SPAG16: variants seen among roughly 807,000 people sequenced by gnomAD.
SPAG16 encodes sperm associated antigen 16, also known as sperm-associated antigen 16 protein.
Under a neutral mutation model 80.4 loss-of-function variants are expected in SPAG16, and 86 were observed. The observed-to-expected ratio is 1.07, with a 90% CI of 0.90 to 1.28. The LOEUF (loss-of-function observed/expected upper bound fraction) is 1.28, where lower values mean the gene tolerates loss of function less well. SPAG16 is among the 50% of genes most tolerant of loss of function. SPAG16 has a pLI of 0.00. For synonymous variants in SPAG16, 294 were observed against 265.9 expected, an observed-to-expected ratio of 1.11 and a Z score of -1.03; for missense variants, 870 against 765.3, an observed-to-expected ratio of 1.14 and a Z score of -1.61.
chr2:214,147,605 G>A (rs1474298606), intron 14 of SPAG16, among the ~76,000 whole-genome samples: 5 of 152,070 alleles, frequency 3.3e-5, no homozygotes, highest in African/African-American at 7.2e-5. Context: ...ATTCCTTGCC[G>A]ATACTGAGAA....
At chr2:214,398,195 A>G (rs1701506003) in intron 15 of SPAG16, among the ~76,000 whole-genome samples, 1 of 152,224 alleles carries the variant, frequency 6.6e-6, no homozygotes, top group Non-Finnish European at 1.5e-5. Flanking sequence ...GAAAGAAGGC[A>G]TCCTAATAAC....
intron 14 of SPAG16, among the ~76,000 whole-genome samples, chr2:214,119,730 C>T (rs2054118164): frequency 6.6e-6 from 1 of 152,082 alleles, no homozygotes; most frequent in African/African-American, 2.4e-5. Context: ...TTTCTTTTCT[C>T]TCCTTCCTGC....
chr2:214,167,830 A>G (rs1171913793), intron 15 of SPAG16, among the ~76,000 whole-genome samples: 1 of 150,470 alleles, frequency 6.6e-6, no homozygotes, highest in African/African-American at 2.4e-5. Context: ...CATTTTAGTT[A>G]TGTACAGGGA....
At chr2:213,827,545 G>A (rs1251370506) in intron 10 of SPAG16, among the ~76,000 whole-genome samples, 1 of 151,786 alleles carries the variant, frequency 6.6e-6, no homozygotes, top group African/African-American at 2.4e-5. Flanking sequence ...CTTAACATAT[G>A]AGTAATCTAC....
chr2:213,286,872 C>T (rs2062074230), intron 1 of SPAG16, among the ~76,000 whole-genome samples: 1 of 150,758 alleles, frequency 6.6e-6, no homozygotes, highest in Non-Finnish European at 1.5e-5. Context: ...AAACCAGAAA[C>T]AGCCAGGATC....
chr2:213,766,752 G>T (rs1188285121), intron 10 of SPAG16, among the ~76,000 whole-genome samples: 1 of 152,202 alleles, frequency 6.6e-6, no homozygotes, highest in East Asian at 1.9e-4. Flanking sequence ...GTGTCTTCGA[G>T]ATGTGCCACA....
At chr2:214,186,309 G>A (rs1407224185) in intron 15 of SPAG16, among the ~76,000 whole-genome samples, 2 of 152,044 alleles carry the variant, frequency 1.3e-5, no homozygotes, top group East Asian at 1.9e-4. Context: ...TAAAATGCAT[G>A]GTCCAGGTAT....
intron 15 of SPAG16, among the ~76,000 whole-genome samples, chr2:214,159,798 T>A (rs2056364638): frequency 6.6e-6 from 1 of 151,974 alleles, no homozygotes; most frequent in Non-Finnish European, 1.5e-5. Flanking sequence ...ATTGTTATTA[T>A]GAAAATCAAT....
intron 11 of SPAG16, among the ~76,000 whole-genome samples, chr2:213,867,774 A>T (rs995166255): frequency 1.6e-4 from 24 of 151,546 alleles, no homozygotes; most frequent in Non-Finnish European, 3.4e-4. Context: ...TACAAAAAAA[A>T]ATAGCCGGGC....
At chr2:214,102,662 G>A (rs1157959511) in intron 13 of SPAG16, among the ~76,000 whole-genome samples, 1 of 152,112 alleles carries the variant, frequency 6.6e-6, no homozygotes, top group Non-Finnish European at 1.5e-5. Context: ...GTTAGCAGTG[G>A]AAGAGATCAG....
intron 15 of SPAG16, among the ~76,000 whole-genome samples, chr2:214,275,683 T>C (rs1692412250): frequency 6.6e-6 from 1 of 152,242 alleles, no homozygotes; most frequent in Non-Finnish European, 1.5e-5. Context: ...TCTGTTCTTT[T>C]ACATTTGGTG....
At chr2:214,291,912 G>A (rs1693833554) in intron 15 of SPAG16, among the ~76,000 whole-genome samples, 1 of 152,170 alleles carries the variant, frequency 6.6e-6, no homozygotes, top group African/African-American at 2.4e-5. Context: ...TCCAGATTTA[G>A]GAGTCCCTTA....
chr2:213,475,591 T>C (rs1211857031), intron 9 of SPAG16, among the ~76,000 whole-genome samples: 1 of 152,138 alleles, frequency 6.6e-6, no homozygotes, highest in Non-Finnish European at 1.5e-5. Flanking sequence ...TCTTGCTGCT[T>C]ATGCCATGGT....
At chr2:213,984,680 AG>A (rs2045921732) in intron 12 of SPAG16, among the ~76,000 whole-genome samples, 1 of 152,092 alleles carries the variant, frequency 6.6e-6, no homozygotes, top group Admixed American at 6.6e-5. Flanking sequence ...AATGAAGCAA[AG>A]GGTGCAGCAG....
rs184925850 is a variant in SPAG16 at position 214,126,361 on chromosome 2, C to G, written c.1593+18100C>G. ...AGGAAGGTGGAGAAGGTCAGAGGCC[C>G]TTCCAATTTCCTTCATTTCAAAGTA... is the stretch of plus-strand genomic sequence containing the variant. On this transcript the variant is annotated intron_variant, in intron 14 of 15. Coordinates refer to ENST00000331683, the MANE Select transcript of SPAG16 (RefSeq NM_024532.5). 1.1e-3 allele frequency among the ~76,000 whole-genome samples: 172 copies of G among 151,464 alleles called. 1 individual carries two copies. Among genetic ancestry groups the G allele is most frequent in the African/African-American group, 4.1e-3 (168 of 41,460 alleles).
intron 10 of SPAG16, among the ~76,000 whole-genome samples, chr2:213,824,656 T>A (rs181430897): frequency 5.7e-4 from 87 of 152,310 alleles, no homozygotes; most frequent in African/African-American, 2.0e-3. Flanking sequence ...TGTAGTATAG[T>A]TTGAAGTCAG....
intron 13 of SPAG16, among the ~76,000 whole-genome samples, chr2:214,075,655 A>G (rs769694225): frequency 6.6e-6 from 1 of 152,192 alleles, no homozygotes; most frequent in Non-Finnish European, 1.5e-5. Flanking sequence ...AATGAACCAT[A>G]CGTCCTTAAC....
chr2:213,812,532 G>A (rs2072233393), intron 10 of SPAG16, among the ~76,000 whole-genome samples: 2 of 152,168 alleles, frequency 1.3e-5, no homozygotes. Flanking sequence ...ATGATTACCT[G>A]GTAGCAGATG....
chr2:213,344,437 G>A (rs1374182170), intron 6 of SPAG16, among the ~76,000 whole-genome samples: 1 of 151,636 alleles, frequency 6.6e-6, no homozygotes, highest in African/African-American at 2.4e-5. Context: ...GTGCAGGTTT[G>A]TTACATATGT....
Sources: allele counts gnomAD v4.1 joint callset (sites outside exome capture counted in the v4.1 genomes callset), GRCh38; gene constraint gnomAD v4.1.1; transcripts MANE v1.5; gene names NCBI Gene and HGNC (gene_info 2026-07-23, HGNC 2026-07-21).